YAP1: variants seen among roughly 807,000 people sequenced by gnomAD.
YAP1 encodes Yes1 associated transcriptional regulator, also known as transcriptional coactivator YAP1.
YAP1 carries 5 observed loss-of-function variants against 56.9 expected under a neutral mutation model. The observed-to-expected ratio is 0.09, with a 90% confidence interval of 0.05 to 0.18. The LOEUF (loss-of-function observed/expected upper bound fraction) is 0.18. Ranked by LOEUF, YAP1 falls within the 10% of genes least tolerant of loss-of-function variation. The probability of loss-of-function intolerance (pLI) is 1.00; values close to 1 mark genes in which losing one functional copy is unlikely to be tolerated. For missense variants in YAP1, 539 were observed against 651.8 expected (o/e 0.83, Z 1.88); for synonymous variants, 265 against 248.1 (o/e 1.07, Z -0.64).
chr11:102,208,619 A>G (rs867285761), intron 5 of YAP1, among the ~76,000 whole-genome samples: 3 of 152,202 alleles, frequency 2.0e-5, no homozygotes, highest in Non-Finnish European at 4.4e-5. Context: ...ATATAATTAC[A>G]TGGCTAATAG....
intron 3 of YAP1, among the ~76,000 whole-genome samples, chr11:102,168,854 T>C (rs956064577): frequency 7.2e-5 from 11 of 152,172 alleles, no homozygotes; most frequent in African/African-American, 2.2e-4. Flanking sequence ...AATATAAAAA[T>C]GATGGGTAAA....
chr11:102,122,424 C>CA (rs34741279), intron 2 of YAP1, among the ~76,000 whole-genome samples: 65 of 144,202 alleles, frequency 4.5e-4, no homozygotes, highest in Non-Finnish European at 6.1e-4. Flanking sequence ...GACTCTGTCT[C>CA]AAAAAAAAAA....
chr11:102,184,571 G>A, intron 3 of YAP1, among the ~76,000 whole-genome samples: 1 of 152,154 alleles, frequency 6.6e-6, no homozygotes, highest in East Asian at 1.9e-4. Context: ...CCCCATCAAA[G>A]TAGACCTTTG....
chr11:102,140,191 T>TAAAAAA (rs10692005), intron 2 of YAP1, among the ~76,000 whole-genome samples: 1 of 149,424 alleles, frequency 6.7e-6, no homozygotes, highest in Admixed American at 6.7e-5. Flanking sequence ...TCTGTCCCTG[T>TAAAAAA]AAAAAAAAAA....
chr11:102,127,527 A>G lies in YAP1; in HGVS notation c.572+13133A>G, dbSNP rs1390266081. On this transcript the variant is annotated intron_variant, in intron 2 of 8. Transcript: ENST00000282441. Reference sequence around the variant, plus strand: ...GTTTGGGAACCTCTGCCTAGATTTCAGATGCATGGAAATGCCTGGATGTGT... The same window carrying G: ...GTTTGGGAACCTCTGCCTAGATTTCGGATGCATGGAAATGCCTGGATGTGT... 4.6e-5 allele frequency among the ~76,000 whole-genome samples: 7 copies of G among 152,240 alleles called. No individual in the cohort carries two copies. The South Asian group carries it at 1.4e-3, about 31-fold the overall frequency.
Position 102,181,261 on chromosome 11 carries a change from C to T in YAP1, c.689-4757C>T, listed in dbSNP as rs192307736. Among the ~76,000 whole-genome samples the T allele has an allele frequency of 1.9e-4, 29 of 151,486 alleles. 1 individual carries two copies. The East Asian group carries it at 2.4e-3, about 12-fold the overall frequency. ...GAGATCGCGACAATCCTGGCTAACA[C>T]GGTGAAACCCCGTCTCTACTAAAAA... On this transcript the variant is annotated intron_variant, in intron 3 of 8. Transcript: ENST00000282441.
At chr11:102,138,499 T>G (rs571796613) in intron 2 of YAP1, among the ~76,000 whole-genome samples, 1 of 152,288 alleles carries the variant, frequency 6.6e-6, no homozygotes, top group South Asian at 2.1e-4. Context: ...AGGGGGAAGG[T>G]GGAAGCTTTA....
At chr11:102,140,615 C>T (rs944179625) in intron 2 of YAP1, among the ~76,000 whole-genome samples, 7 of 152,084 alleles carry the variant, frequency 4.6e-5, no homozygotes, top group African/African-American at 9.7e-5. Context: ...GAGGCCAAAG[C>T]GGACGGATCA....
intron 2 of YAP1, among the ~76,000 whole-genome samples, chr11:102,157,930 TA>T (rs1389661535): frequency 6.6e-6 from 1 of 152,218 alleles, no homozygotes. Context: ...GCTGCATTTT[TA>T]AAAAAGTTTC....
chr11:102,183,738 GTT>G (rs55649437), intron 3 of YAP1, among the ~76,000 whole-genome samples: 2 of 150,848 alleles, frequency 1.3e-5, no homozygotes, highest in African/African-American at 4.9e-5. Flanking sequence ...GTGTGTGTGT[GTT>G]TAAACCACAT....
At chr11:102,128,714 ACAGTC>A (rs1944188264) in intron 2 of YAP1, among the ~76,000 whole-genome samples, 1 of 152,210 alleles carries the variant, frequency 6.6e-6, no homozygotes, top group Non-Finnish European at 1.5e-5. Context: ...CATTGAATGG[ACAGTC>A]TAAGAATTTT....
chr11:102,129,815 T>C (rs1268027249), intron 2 of YAP1, among the ~76,000 whole-genome samples: 3 of 150,764 alleles, frequency 2.0e-5, no homozygotes, highest in Non-Finnish European at 4.4e-5. Flanking sequence ...TTTTTTTTTT[T>C]TCGAAATGGG....
chr11:102,228,362 C>T (rs577625881), intron 8 of YAP1, among the ~76,000 whole-genome samples: 1 of 152,018 alleles, frequency 6.6e-6, no homozygotes, highest in South Asian at 2.1e-4. Context: ...AGGCCAGGTG[C>T]GGTGGCTTAA....
rs1351882676 is a variant in YAP1, at chr11:102,230,551, T to C, written c.*611T>C. 1 of 152,716 alleles carries C rather than the reference T, an allele frequency of 6.5e-6. No individual in the cohort carries two copies. The highest frequency in any genetic ancestry group is 2.4e-5 in the African/African-American group (1 of 41,468). 9.5% of individuals were successfully genotyped at this position (152,716 alleles called of 1,614,324 possible). A position where few individuals can be genotyped will look rare whatever the true frequency, so the allele number is the denominator to read the frequency against. ...ACCTTGATTTTATTTTAGGAGCTTATAAGGCATGAGACAATTTCCATATAA... is the reference window on the plus strand; with the variant it reads ...ACCTTGATTTTATTTTAGGAGCTTACAAGGCATGAGACAATTTCCATATAA... On this transcript the variant is annotated 3_prime_UTR_variant, in exon 9 of 9. Coordinates refer to ENST00000282441, the MANE Select transcript of YAP1 (RefSeq NM_001130145.3).
chr11:102,142,093 TA>T (rs556942877), intron 2 of YAP1, among the ~76,000 whole-genome samples: 116 of 152,340 alleles, frequency 7.6e-4, no homozygotes, highest in African/African-American at 2.6e-3. Flanking sequence ...ATGTTATCAT[TA>T]ATCCAGAAGA....
chr11:102,142,619 T>G (rs1326629911), intron 2 of YAP1, among the ~76,000 whole-genome samples: 1 of 152,236 alleles, frequency 6.6e-6, no homozygotes, highest in Non-Finnish European at 1.5e-5. Context: ...GACAGTCAGT[T>G]TTAGTTTTAG....
chr11:102,128,156 C>T (rs1277128164), intron 2 of YAP1, among the ~76,000 whole-genome samples: 27 of 152,016 alleles, frequency 1.8e-4, no homozygotes, highest in Admixed American at 1.6e-3. Flanking sequence ...GTTGGGAAGG[C>T]ATGATTGGTT....
chr11:102,197,869 G>A (rs1412964074), intron 4 of YAP1, among the ~76,000 whole-genome samples: 2 of 152,078 alleles, frequency 1.3e-5, no homozygotes, highest in Non-Finnish European at 2.9e-5. Context: ...AAACAAAGCC[G>A]GTTTTGTTTC....
At chr11:102,162,373 C>T (rs1280975259) in intron 2 of YAP1, 83 bp from the exon 3 acceptor site, 19 of 1,181,978 alleles carry the variant, frequency 1.6e-5, no homozygotes, top group Non-Finnish European at 2.4e-5. Flanking sequence ...CGCTTGGCAC[C>T]CTTTGATTAT....
Sources: allele counts gnomAD v4.1 joint callset (sites outside exome capture counted in the v4.1 genomes callset), GRCh38; gene constraint gnomAD v4.1.1; transcripts MANE v1.5; gene names NCBI Gene and HGNC (gene_info 2026-07-23, HGNC 2026-07-21).